The following VTA1 variants were observed in gnomAD, a reference collection of about 807,000 sequenced individuals.
The protein encoded by VTA1 is vesicle trafficking 1, also known as vacuolar protein sorting-associated protein VTA1 homolog.
A neutral mutation model predicts 36.9 loss-of-function variants in VTA1; 24 were observed. The ratio of observed to expected loss-of-function variants is 0.65; its 90% CI spans 0.47 to 0.91. The LOEUF is 0.91. VTA1 is among the 40% of genes least tolerant of loss of function. The pLI is 0.00. For synonymous variants in VTA1, 142 were observed against 130.2 expected, an observed-to-expected ratio of 1.09 and a Z score of -0.62; for missense variants, 393 against 377.2, an observed-to-expected ratio of 1.04 and a Z score of -0.35.
At chr6:142,149,409 A>C (rs527858138) in intron 1 of VTA1, among the ~76,000 whole-genome samples, 56 of 152,336 alleles carry the variant, frequency 3.7e-4, no homozygotes, top group African/African-American at 1.2e-3. Context: ...TGATGTTATT[A>C]AACTTTTTAA....
chr6:142,200,474 C>T (rs1431666506), intron 6 of VTA1, among the ~76,000 whole-genome samples: 2 of 151,886 alleles, frequency 1.3e-5, no homozygotes, highest in East Asian at 3.9e-4. Context: ...TATCTCAAGG[C>T]AGAGTTGTGG....
Position 142,219,794 on chromosome 6 carries a change from C to CT in VTA1, c.*1154dup, listed in dbSNP as rs1776071231. ...TTATTCATGCTACTAAGATGGGAAT[C>CT]TTTAAACACAAGGGTCAGCAAGCTT... On this transcript the variant is annotated 3_prime_UTR_variant, in exon 8 of 8. Transcript: ENST00000367630. The CT allele has an allele frequency of 6.6e-6, 1 of 152,146 alleles. No individual in the cohort carries two copies. Among genetic ancestry groups the CT allele is most frequent in the African/African-American group, 2.4e-5 (1 of 41,426 alleles). 9.4% of individuals were successfully genotyped at this position (152,146 alleles called of 1,614,324 possible).
At chr6:142,216,184 TA>T (rs1405510476) in intron 7 of VTA1, among the ~76,000 whole-genome samples, 2 of 152,164 alleles carry the variant, frequency 1.3e-5, no homozygotes, top group Non-Finnish European at 2.9e-5. Context: ...TTTTTGAGTA[TA>T]AAGTCAGATA....
chr6:142,199,001 G>C (rs1393251661), intron 6 of VTA1, among the ~76,000 whole-genome samples: 1 of 152,092 alleles, frequency 6.6e-6, no homozygotes, highest in Non-Finnish European at 1.5e-5. Flanking sequence ...GTCTCACTGT[G>C]ATATCTAGGT....
intron 4 of VTA1, among the ~76,000 whole-genome samples, chr6:142,174,857 C>T (rs1244506322): frequency 6.6e-6 from 1 of 152,158 alleles, no homozygotes; most frequent in Non-Finnish European, 1.5e-5. Flanking sequence ...CCTCTCCTGC[C>T]TTGCGACACG....
intron 5 of VTA1, among the ~76,000 whole-genome samples, chr6:142,193,243 C>G (rs1775486775): frequency 6.6e-6 from 1 of 152,028 alleles, no homozygotes; most frequent in African/African-American, 2.4e-5. Context: ...TGCAGAATAG[C>G]CCAAAATAAA....
At chr6:142,149,125 C>T (rs572779516) in intron 1 of VTA1, among the ~76,000 whole-genome samples, 11 of 152,200 alleles carry the variant, frequency 7.2e-5, no homozygotes, top group Non-Finnish European at 1.5e-4. Flanking sequence ...CCTAAAGTTG[C>T]AGCTCTGCTT....
In VTA1 at chr6:142,189,474, A is replaced by T. The variant is rs1775410093; in HGVS notation, c.460A>T (p.Asn154Tyr). ...CAGATGGAAGGCAACATACATCCAT[A>T]ATTGTTTAAAGAATGGGGAGACTCC... ...YARWKATYIH[N>Y]CLKNGETPQA... The change falls in exon 5 of 8, where the codon AAT becomes TAT. Residue 154 changes from asparagine (N) to tyrosine (Y), a missense_variant. By Grantham distance (143) the Asn-to-Tyr change is moderately radical. Transcript: ENST00000367630. 1 of 1,613,986 alleles carries T rather than the reference A, an allele frequency of 6.2e-7. No homozygotes were observed. The highest frequency in any genetic ancestry group is 1.3e-5 in the African/African-American group (1 of 74,930).
At chr6:142,188,298 T>C (rs1244260374) in intron 4 of VTA1, among the ~76,000 whole-genome samples, 1 of 141,330 alleles carries the variant, frequency 7.1e-6, no homozygotes, top group African/African-American at 2.6e-5. Flanking sequence ...TGCAGTGGCG[T>C]CTGCCTCCTG....
chr6:142,170,760 A>G (rs1775014812), intron 4 of VTA1, among the ~76,000 whole-genome samples: 1 of 151,682 alleles, frequency 6.6e-6, no homozygotes, highest in South Asian at 2.1e-4. Flanking sequence ...CAGCCTCCTG[A>G]GTATCTGGGA....
In VTA1 at chr6:142,154,203, C is replaced by T. The variant is rs566086241; in HGVS notation, c.112+6804C>T. 4.8e-3 allele frequency among the ~76,000 whole-genome samples: 736 copies of T among 152,082 alleles called. 1 individual carries two copies. The highest frequency in any genetic ancestry group is 8.5e-3 in the Non-Finnish European group (575 of 67,906). ...CCCTGGTAGCCAGTAACTTGTTGTC[C>T]ATTTCTAAAGTTTTATCATTTAAAA... On this transcript the variant is annotated intron_variant, in intron 1 of 7. Coordinates refer to ENST00000367630, the MANE Select transcript of VTA1 (RefSeq NM_016485.5).
At chr6:142,218,107 C>CT (rs530865941) in intron 7 of VTA1, among the ~76,000 whole-genome samples, 8 of 150,876 alleles carry the variant, frequency 5.3e-5, no homozygotes, top group African/African-American at 9.7e-5. Flanking sequence ...TTGTTATTCA[C>CT]TTTTTTTTTA....
Position 142,165,341 on chromosome 6 carries a change from T to TA in VTA1, c.113-887_113-886insA, listed in dbSNP as rs555418603. 1.8e-4 allele frequency among the ~76,000 whole-genome samples: 27 copies of TA among 152,308 alleles called. No homozygotes were observed. The South Asian group carries it at 5.4e-3, about 30-fold the overall frequency. On this transcript the variant is annotated intron_variant, in intron 1 of 7. Transcript: ENST00000367630. Reference sequence around the variant, plus strand: ...CAAAATGAAACAGGCACAGAGACTATGACCCAAGAATCTCACCTCTTGGTT... The same window carrying TA: ...CAAAATGAAACAGGCACAGAGACTATAGACCCAAGAATCTCACCTCTTGGTT...
At chr6:142,195,078 G>GT in intron 5 of VTA1, among the ~76,000 whole-genome samples, 1 of 152,186 alleles carries the variant, frequency 6.6e-6, no homozygotes, top group East Asian at 1.9e-4. Context: ...GTGAGGTTTG[G>GT]TATCAGGGTT....
intron 2 of VTA1, among the ~76,000 whole-genome samples, chr6:142,167,202 G>A (rs1047184010): frequency 3.3e-5 from 5 of 152,052 alleles, no homozygotes; most frequent in African/African-American, 1.2e-4. Flanking sequence ...CACTGTAGAG[G>A]TACTTTTGGA....
chr6:142,218,713 T>G lies in VTA1; in HGVS notation c.*70T>G, dbSNP rs1776048996. 6 of 1,484,632 alleles carry G rather than the reference T, an allele frequency of 4.0e-6. 1 individual carries two copies. In the South Asian group the frequency reaches 8.2e-5, roughly 20 times the overall value. 92.0% of individuals were successfully genotyped at this position (1,484,632 alleles called of 1,614,324 possible). A position where few individuals can be genotyped will look rare whatever the true frequency, so the allele number is the denominator to read the frequency against. On this transcript the variant is annotated 3_prime_UTR_variant, in exon 8 of 8. Transcript: ENST00000367630. ...ACAGTCCATTACTCTATCTTCAGCCTATCAGGATCACAGTTTTAAGGAAGA... is the reference window on the plus strand; with the variant it reads ...ACAGTCCATTACTCTATCTTCAGCCGATCAGGATCACAGTTTTAAGGAAGA...
chr6:142,181,094 A>AAAAT lies in VTA1; in HGVS notation c.412-8331_412-8330insAATA, dbSNP rs1471429927. ...AATGGTACAGAAAAAAAAAAAAAAA[A>AAAAT]ATATATATATATATATATATATACA... On this transcript the variant is annotated intron_variant, in intron 4 of 7. Transcript: ENST00000367630. Among the ~76,000 whole-genome samples, 190 of 36,406 alleles carry AAAAT rather than the reference A, an allele frequency of 5.2e-3. 2 individuals carry two copies. The highest frequency in any genetic ancestry group is 0.011 in the African/African-American group (142 of 13,110). 23.9% of individuals were successfully genotyped at this position (36,406 alleles called of 152,430 possible). A position where few individuals can be genotyped will look rare whatever the true frequency, so the allele number is the denominator to read the frequency against.
chr6:142,194,470 A>G (rs916713015), intron 5 of VTA1, among the ~76,000 whole-genome samples: 2 of 151,786 alleles, frequency 1.3e-5, no homozygotes, highest in Admixed American at 1.3e-4. Flanking sequence ...AGAGGTTTTT[A>G]CCTCTTTTGT....
intron 1 of VTA1, among the ~76,000 whole-genome samples, chr6:142,158,339 A>C (rs925881224): frequency 2.0e-5 from 3 of 152,138 alleles, no homozygotes; most frequent in Non-Finnish European, 4.4e-5. Context: ...ATCCTAACCT[A>C]TCGTTTATGG....
Sources: gnomAD v4.1 joint callset for allele counts (sites outside exome capture counted in the v4.1 genomes callset) on GRCh38, gnomAD v4.1.1 for gene constraint, MANE v1.5 for transcripts, NCBI Gene and HGNC (gene_info 2026-07-23, HGNC 2026-07-21) for gene names.